MYO16: variants seen among roughly 807,000 people sequenced by gnomAD.
MYO16 encodes unconventional myosin-XVI.
A neutral mutation model predicts 205.3 loss-of-function variants in MYO16; 94 were observed. The observed-to-expected ratio is 0.46, with a 90% CI of 0.39 to 0.54. The LOEUF (loss-of-function observed/expected upper bound fraction) is 0.54. Among genes scored for constraint, MYO16 ranks in the 20% least tolerant of loss-of-function variants. The pLI is 0.00. For synonymous variants in MYO16, 988 were observed against 954.0 expected, an observed-to-expected ratio of 1.04 and a Z score of -0.66; for missense variants, 2,315 against 2,387.5, an observed-to-expected ratio of 0.97 and a Z score of 0.63.
At chr13:109,175,092 G>A (rs116429205) in intron 33 of MYO16, among the ~76,000 whole-genome samples, 2,129 of 151,986 alleles carry the variant, frequency 0.014, 43 homozygotes, top group African/African-American at 0.045. Context: ...AACCCACTAC[G>A]CTCTGCATGT....
chr13:109,140,631 G>T lies in MYO16; in HGVS notation c.4419G>T (p.Leu1473=). The change falls in exon 32 of 35, where the codon CTG becomes CTT. Residue 1473 remains leucine, a synonymous_variant. Coordinates refer to ENST00000457511, the MANE Select transcript of MYO16 (RefSeq NM_001198950.3). This position sits in a 1 kb window ranked among gnomAD's most constrained non-coding sequence, Gnocchi z 8.0. ...GCGGCCCGGGCGCGGGCTCCTTCCT[G>T]CTCCACGGCGCATCGCCGCCCCTGC... ...DDGGPGAGSF[L]LHGASPPLLH... 1 of 1,516,518 alleles carries T rather than the reference G, an allele frequency of 6.6e-7. No individual in the cohort carries two copies. The highest frequency in any genetic ancestry group is 8.8e-7 in the Non-Finnish European group (1 of 1,137,000). The allele number at this position is 1,516,518 out of a possible 1,614,324, so 93.9% of individuals were successfully genotyped here.
the MYO16 span, among the ~76,000 whole-genome samples, chr13:108,529,596 C>A: frequency 3.3e-5 from 5 of 152,258 alleles, no homozygotes; most frequent in African/African-American, 1.2e-4. Flanking sequence ...GACTGGGGAC[C>A]TGAGTCTGGG....
intron 2 of MYO16, among the ~76,000 whole-genome samples, chr13:108,704,459 C>A (rs971900068): frequency 1.3e-5 from 2 of 152,046 alleles, no homozygotes. Flanking sequence ...ATGTAACAAA[C>A]CTGCATGTTG....
chr13:108,553,045 G>T, the MYO16 span, among the ~76,000 whole-genome samples: 1 of 94,664 alleles, frequency 1.1e-5, no homozygotes, highest in African/African-American at 3.9e-5. Flanking sequence ...TTGAGACAGA[G>T]TCTTGCTCTG....
At chr13:109,190,885 T>C (rs1879881826) in intron 34 of MYO16, among the ~76,000 whole-genome samples, 1 of 152,146 alleles carries the variant, frequency 6.6e-6, no homozygotes, top group Non-Finnish European at 1.5e-5. Flanking sequence ...TAATAATATA[T>C]ATTTAGCATT....
chr13:108,673,265 G>T (rs539102188), intron 2 of MYO16, among the ~76,000 whole-genome samples: 1 of 151,990 alleles, frequency 6.6e-6, no homozygotes, highest in East Asian at 1.9e-4. Flanking sequence ...GGAGCTCTCT[G>T]CCTGCTGTCA....
intron 1 of MYO16, among the ~76,000 whole-genome samples, chr13:108,660,082 A>G (rs919336042): frequency 4.6e-5 from 7 of 152,208 alleles, no homozygotes; most frequent in Admixed American, 4.6e-4. Context: ...AGCCTGGGCA[A>G]CAGAGCAAGA....
intron 16 of MYO16, among the ~76,000 whole-genome samples, chr13:108,933,784 T>C (rs1036366029): frequency 1.3e-5 from 2 of 152,130 alleles, no homozygotes; most frequent in African/African-American, 4.8e-5. Flanking sequence ...CCCTAGTGTC[T>C]ACCATTGCCA....
At chr13:108,635,758 C>T (rs1169971343) in intron 1 of MYO16, among the ~76,000 whole-genome samples, 1 of 152,110 alleles carries the variant, frequency 6.6e-6, no homozygotes, top group Non-Finnish European at 1.5e-5. Flanking sequence ...CCTCAGCCTC[C>T]CAAAGTGCTG....
chr13:109,091,170 G>C (rs1888610883), intron 27 of MYO16, among the ~76,000 whole-genome samples: 1 of 152,164 alleles, frequency 6.6e-6, no homozygotes, highest in African/African-American at 2.4e-5. Flanking sequence ...CCACGTTTTT[G>C]GTGTGCATGG....
intron 11 of MYO16, among the ~76,000 whole-genome samples, chr13:108,856,971 T>C (rs1434397538): frequency 6.6e-6 from 1 of 152,166 alleles, no homozygotes; most frequent in Non-Finnish European, 1.5e-5. Flanking sequence ...AGCGCAACCC[T>C]TCTTCCAGAG....
intron 16 of MYO16, among the ~76,000 whole-genome samples, chr13:108,940,332 A>G (rs7320438): frequency 0.077 from 11,771 of 152,046 alleles, 628 homozygotes; most frequent in Admixed American, 0.14. Context: ...TATTTGTACT[A>G]TGTTCTGCCA....
At chr13:108,730,627 G>A (rs549315494) in intron 4 of MYO16, among the ~76,000 whole-genome samples, 1 of 152,152 alleles carries the variant, frequency 6.6e-6, no homozygotes, top group South Asian at 2.1e-4. Flanking sequence ...ATGACTCCTT[G>A]TGTAACTGAG....
the MYO16 span, among the ~76,000 whole-genome samples, chr13:108,554,848 TAAA>T: frequency 1.3e-4 from 10 of 77,990 alleles, no homozygotes; most frequent in Admixed American, 3.6e-4. Context: ...AGACTCTGAC[TAAA>T]AAAAAAAAAA....
At chr13:109,174,882 G>A (rs574992815) in intron 33 of MYO16, among the ~76,000 whole-genome samples, 3 of 151,120 alleles carry the variant, frequency 2.0e-5, no homozygotes, top group African/African-American at 7.3e-5. Flanking sequence ...CTCCCGAGTA[G>A]CTGGGACTAC....
chr13:108,630,948 A>T (rs1010897296), intron 1 of MYO16, among the ~76,000 whole-genome samples: 1 of 152,236 alleles, frequency 6.6e-6, no homozygotes, highest in South Asian at 2.1e-4. Context: ...TCATGCTTTC[A>T]TGTTGCAGAA....
chr13:109,177,405 A>T (rs907856340), intron 33 of MYO16, among the ~76,000 whole-genome samples: 1 of 152,124 alleles, frequency 6.6e-6, no homozygotes, highest in Non-Finnish European at 1.5e-5. Context: ...AATTGACTCT[A>T]TGCAGTGCTC....
the MYO16 span, among the ~76,000 whole-genome samples, chr13:108,527,681 T>C: frequency 6.6e-6 from 1 of 152,236 alleles, no homozygotes; most frequent in East Asian, 1.9e-4. Flanking sequence ...TCTGTGGTAA[T>C]GGTATATGCC....
At chr13:109,022,317 A>ATATACAAATATGT (rs1886070173) in intron 23 of MYO16, among the ~76,000 whole-genome samples, 1 of 61,132 alleles carries the variant, frequency 1.6e-5, no homozygotes, top group Non-Finnish European at 2.6e-5. Context: ...TTTATATATT[A>ATATACAAATATGT]TATACAAATA....
Sources: gnomAD v4.1 joint callset for allele counts (sites outside exome capture counted in the v4.1 genomes callset) on GRCh38, gnomAD v4.1.1 for gene constraint, Gnocchi (gnomAD v3.1) non-coding constraint, MANE v1.5 for transcripts, NCBI Gene and HGNC (gene_info 2026-07-23, HGNC 2026-07-21) for gene names.